NCALD: variants seen among roughly 807,000 people sequenced by gnomAD.
NCALD encodes neurocalcin delta.
A neutral mutation model predicts 18.6 loss-of-function variants in NCALD; 10 were observed. That is an observed-to-expected ratio of 0.54 (90% CI 0.33 to 0.91). NCALD has a LOEUF of 0.91. NCALD is among the 40% of genes least tolerant of loss of function. The pLI, the probability that NCALD is intolerant of heterozygous loss-of-function variation, is 0.03. For synonymous variants in NCALD, 88 were observed against 87.4 expected (o/e 1.01, Z -0.04); for missense variants, 184 against 247.6 (o/e 0.74, Z 1.72).
At chr8:102,119,604 G>A (rs1825885972) in intron 1 of NCALD, among the ~76,000 whole-genome samples, 1 of 152,156 alleles carries the variant, frequency 6.6e-6, no homozygotes, top group African/African-American at 2.4e-5. Context: ...TTTTTAAAAG[G>A]TTGTATTCAA....
intron 1 of NCALD, among the ~76,000 whole-genome samples, chr8:101,728,811 C>T (rs1401515593): frequency 6.6e-6 from 1 of 151,824 alleles, no homozygotes; most frequent in Admixed American, 6.6e-5. Flanking sequence ...CAGAGCGAGA[C>T]TCCATCTCAA....
intron 4 of NCALD, among the ~76,000 whole-genome samples, chr8:101,827,192 GTC>G (rs1813972512): frequency 6.6e-6 from 1 of 152,176 alleles, no homozygotes; most frequent in African/African-American, 2.4e-5. Context: ...CGTCACTACA[GTC>G]TCTGCCTGGG....
intron 4 of NCALD, among the ~76,000 whole-genome samples, chr8:101,808,814 G>A (rs1223224010): frequency 1.3e-5 from 2 of 152,056 alleles, no homozygotes; most frequent in African/African-American, 4.8e-5. Flanking sequence ...AGAAGCTTAG[G>A]TTCCTGAAGA....
rs1209122713 is a variant in NCALD at position 101,826,402 on chromosome 8, C to T, written c.-20+60739G>A. Among the ~76,000 whole-genome samples, 6 of 148,398 alleles carry T rather than the reference C, an allele frequency of 4.0e-5. No homozygotes were observed. In the Admixed American group the frequency reaches 4.1e-4, roughly 10 times the overall value. ...CTTCATGAGACTTCTAGAATCTTCC[C>T]ATGATTCAGGGGTTAGAGGGTTGTG... On this transcript the variant is annotated intron_variant, in intron 4 of 6. Coordinates refer to the NCALD transcript ENST00000311028.
intron 1 of NCALD, among the ~76,000 whole-genome samples, chr8:102,020,780 G>A (rs1215840497): frequency 6.6e-6 from 1 of 152,132 alleles, no homozygotes; most frequent in Admixed American, 6.5e-5. Flanking sequence ...TGACATCTAA[G>A]GCACTTCATC....
intron 1 of NCALD, among the ~76,000 whole-genome samples, chr8:101,758,628 C>G (rs1034079650): frequency 6.6e-6 from 1 of 152,184 alleles, no homozygotes; most frequent in Non-Finnish European, 1.5e-5. Context: ...CACATGTCTT[C>G]TGTCCCCATG....
intron 2 of NCALD, among the ~76,000 whole-genome samples, chr8:102,007,495 G>A (rs1586914336): frequency 6.6e-6 from 1 of 152,188 alleles, no homozygotes; most frequent in African/African-American, 2.4e-5. Context: ...CTTGGAAAAT[G>A]TTAGCTCTGG....
upstream of NCALD, among the ~76,000 whole-genome samples, chr8:101,795,237 A>T (rs1337616855): frequency 1.3e-5 from 2 of 152,232 alleles, no homozygotes; most frequent in Non-Finnish European, 2.9e-5. Flanking sequence ...AATGGCTGGA[A>T]GACATCAAAG....
intron 1 of NCALD, among the ~76,000 whole-genome samples, chr8:102,122,502 G>C (rs1563636554): frequency 1.3e-5 from 2 of 152,198 alleles, no homozygotes; most frequent in Non-Finnish European, 1.5e-5. Context: ...AAGAAGTGCT[G>C]AGAATATGAA....
At chr8:101,988,949 T>C (rs1028605821) in intron 2 of NCALD, among the ~76,000 whole-genome samples, 1 of 139,646 alleles carries the variant, frequency 7.2e-6, no homozygotes, top group African/African-American at 2.7e-5. Flanking sequence ...AGAGGTGAGA[T>C]AGCAATGGAA....
chr8:102,026,731 C>T (rs1441190689), intron 1 of NCALD, among the ~76,000 whole-genome samples: 4 of 152,176 alleles, frequency 2.6e-5, no homozygotes, highest in Non-Finnish European at 5.9e-5. Context: ...TAGGCAGTGC[C>T]CCAGTGGAGG....
At chr8:102,029,885 C>T (rs1463672612) in intron 1 of NCALD, among the ~76,000 whole-genome samples, 2 of 152,110 alleles carry the variant, frequency 1.3e-5, no homozygotes, top group African/African-American at 4.8e-5. Context: ...TATATTATTC[C>T]TAAAGTTTAT....
chr8:101,773,946 CA>C (rs1811688631), intron 1 of NCALD, among the ~76,000 whole-genome samples: 2 of 152,178 alleles, frequency 1.3e-5, no homozygotes, highest in Admixed American at 6.6e-5. Context: ...CTAATGTTAA[CA>C]TACCTTAAAC....
intron 1 of NCALD, among the ~76,000 whole-genome samples, chr8:101,768,896 G>A (rs1260293352): frequency 6.6e-6 from 1 of 152,106 alleles, no homozygotes; most frequent in African/African-American, 2.4e-5. Flanking sequence ...AGGGAAAAAG[G>A]GATTTTTGCA....
At chr8:101,921,879 ATTT>A (rs1040066692) in intron 2 of NCALD, among the ~76,000 whole-genome samples, 4 of 152,106 alleles carry the variant, frequency 2.6e-5, no homozygotes, top group African/African-American at 9.7e-5. Flanking sequence ...CTGTGAAATA[ATTT>A]TTATGTATAT....
In NCALD at chr8:101,840,128, A is replaced by C. The variant is rs866595071; in HGVS notation, c.-20+47013T>G. On this transcript the variant is annotated intron_variant, in intron 4 of 6. Transcript: ENST00000311028. ...ATAAGCAACAAAATAAAAAAAAAAAAACACAGCTGAAGAGCATGTTCAAAT... is the reference window on the plus strand; with the variant it reads ...ATAAGCAACAAAATAAAAAAAAAAACACACAGCTGAAGAGCATGTTCAAAT... Among the ~76,000 whole-genome samples, 9 of 151,692 alleles carry C rather than the reference A, an allele frequency of 5.9e-5. No homozygotes were observed. The South Asian group carries it at 8.3e-4, about 14-fold the overall frequency.
intron 3 of NCALD, chr8:101,690,546 C>T (rs1586208590): frequency 1.0e-6 from 1 of 985,398 alleles, no homozygotes. Context: ...TATTTCTCAA[C>T]TTACTCCAAA....
At position 102,034,656 on chromosome 8, in the gene NCALD, G is replaced by C. The variant is rs186724352; in HGVS notation, c.-209-14367C>G. 5.3e-5 allele frequency among the ~76,000 whole-genome samples: 8 copies of C among 152,286 alleles called. No homozygotes were observed. In the East Asian group the frequency reaches 1.5e-3, roughly 29 times the overall value. On this transcript the variant is annotated intron_variant, in intron 1 of 6. Transcript: ENST00000311028. The stretch of plus-strand genomic sequence containing the variant: ...TGTAAGACCGGAAGAAGGGAGGAGT[G>C]TTTTTGTTTCTTTGGGCTTCTGGCA...
At position 101,981,644 on chromosome 8, in the gene NCALD, G is replaced by T. The variant is rs576095823; in HGVS notation, c.-157+38593C>A. Among the ~76,000 whole-genome samples, 9 of 152,276 alleles carry T rather than the reference G, an allele frequency of 5.9e-5. No individual in the cohort carries two copies. The South Asian group carries it at 1.9e-3, about 32-fold the overall frequency. On this transcript the variant is annotated intron_variant, in intron 2 of 6. Coordinates refer to the NCALD transcript ENST00000311028. ...TTCAAGACCAATGACAAATTAAAGT[G>T]ACCTTCAAATTAAATGGCCATAAGG...
Sources: allele counts gnomAD v4.1 joint callset (sites outside exome capture counted in the v4.1 genomes callset), GRCh38; gene constraint gnomAD v4.1.1; transcripts MANE v1.5; gene names NCBI Gene and HGNC (gene_info 2026-07-23, HGNC 2026-07-21).